PLPP3: variants seen among roughly 807,000 people sequenced by gnomAD.
PLPP3 encodes the protein PAP2 beta.
A neutral mutation model predicts 29.6 loss-of-function variants in PLPP3; 6 were observed. That is an observed-to-expected ratio of 0.20 (90% CI 0.11 to 0.40). PLPP3 has a LOEUF of 0.40. Ranked by LOEUF, PLPP3 falls within the 10% of genes least tolerant of loss-of-function variation. The pLI is 1.00. For missense variants in PLPP3, 308 were observed against 407.7 expected, an observed-to-expected ratio of 0.76 and a Z score of 2.11; for synonymous variants, 152 against 159.7, an observed-to-expected ratio of 0.95 and a Z score of 0.36.
chr1:56,541,661 A>G (rs868105185), intron 1 of PLPP3, among the ~76,000 whole-genome samples: 1 of 152,232 alleles, frequency 6.6e-6, no homozygotes, highest in Non-Finnish European at 1.5e-5. Context: ...GGAGCTGAAC[A>G]GGTTTCAAAT....
chr1:56,515,799 C>A (rs919935988), intron 4 of PLPP3, among the ~76,000 whole-genome samples: 4 of 152,130 alleles, frequency 2.6e-5, no homozygotes, highest in African/African-American at 9.7e-5. Flanking sequence ...GGTACAATAG[C>A]CCTGATTCCA....
At chr1:56,547,212 T>G (rs1425832558) in intron 1 of PLPP3, among the ~76,000 whole-genome samples, 29 of 152,202 alleles carry the variant, frequency 1.9e-4, no homozygotes, top group Admixed American at 1.9e-3. Flanking sequence ...CTAGCTAAGA[T>G]CCTCAGAAAA....
rs564933085 is a variant in PLPP3 at position 56,524,615 on chromosome 1, G to A, written c.298-61C>T. 40 of 1,532,208 alleles carry A rather than the reference G, an allele frequency of 2.6e-5. No individual in the cohort carries two copies. The East Asian group carries it at 4.6e-4, about 17-fold the overall frequency. The allele number at this position is 1,532,208 out of a possible 1,614,324, so 94.9% of individuals were successfully genotyped here. On this transcript the variant is annotated intron_variant, in intron 2 of 5. Coordinates refer to ENST00000371250, the MANE Select transcript of PLPP3 (RefSeq NM_003713.5). This position sits in a 1 kb window ranked among gnomAD's most constrained non-coding sequence, Gnocchi z 4.3. ...AAGATTCATCATCAACACTGATGCCGTAACGGATATTCAACAACACAGGAG... is the reference window on the plus strand; with the variant it reads ...AAGATTCATCATCAACACTGATGCCATAACGGATATTCAACAACACAGGAG...
intron 2 of PLPP3, among the ~76,000 whole-genome samples, chr1:56,530,769 G>C (rs1452059769): frequency 1.6e-5 from 2 of 126,886 alleles, no homozygotes; most frequent in African/African-American, 3.1e-5. Flanking sequence ...GGGTCTTCAC[G>C]ATCTTGCCAC....
At chr1:56,543,160 C>A (rs1645981599) in intron 1 of PLPP3, among the ~76,000 whole-genome samples, 1 of 152,166 alleles carries the variant, frequency 6.6e-6, no homozygotes, top group Non-Finnish European at 1.5e-5. Context: ...AAATGCAGAG[C>A]TAGCAATGGT....
At chr1:56,554,343 C>T (rs145320580) in intron 1 of PLPP3, among the ~76,000 whole-genome samples, 2,798 of 151,900 alleles carry the variant, frequency 0.018, 86 homozygotes, top group African/African-American at 0.064. Context: ...GAGGCCGAGG[C>T]GGGTGGATTA....
chr1:56,557,022 G>GAGAGAGAAAGAA, intron 1 of PLPP3, among the ~76,000 whole-genome samples: 2 of 13,062 alleles, frequency 1.5e-4, no homozygotes, highest in South Asian at 3.3e-3. Context: ...GAGAGAGAGA[G>GAGAGAGAAAGAA]AGAAAGAGAG....
At chr1:56,555,267 G>A (rs559194776) in intron 1 of PLPP3, among the ~76,000 whole-genome samples, 21 of 150,694 alleles carry the variant, frequency 1.4e-4, no homozygotes, top group Non-Finnish European at 2.5e-4. Context: ...TGACTTCCCC[G>A]GGGACTTTTA....
At chr1:56,575,226 A>G (rs1646227816) in intron 1 of PLPP3, among the ~76,000 whole-genome samples, 1 of 152,212 alleles carries the variant, frequency 6.6e-6, no homozygotes, top group Non-Finnish European at 1.5e-5. Flanking sequence ...AAACCGACTC[A>G]TCCACACAAT....
chr1:56,511,747 G>A (rs1335377571), intron 5 of PLPP3, among the ~76,000 whole-genome samples: 1 of 151,934 alleles, frequency 6.6e-6, no homozygotes, highest in East Asian at 2.0e-4. Flanking sequence ...TGTATTTACA[G>A]AGATTTACAG....
At chr1:56,525,501 TTA>T (rs1645847145) in intron 2 of PLPP3, among the ~76,000 whole-genome samples, 1 of 152,194 alleles carries the variant, frequency 6.6e-6, no homozygotes, top group Non-Finnish European at 1.5e-5. Context: ...TTTATATTCT[TTA>T]TGTCACGAAA....
At chr1:56,557,034 GAGAGAGAGAGAGAGAGAGAGAGAGAA>G (rs1646086571) in intron 1 of PLPP3, among the ~76,000 whole-genome samples, 1 of 25,928 alleles carries the variant, frequency 3.9e-5, no homozygotes, top group African/African-American at 1.0e-4. Flanking sequence ...GAAAGAGAGA[GAGAGAGAGAGAGAGAGAGAGAGAGAA>G]AGAAAGAAAG....
chr1:56,549,216 A>G (rs1446687718), intron 1 of PLPP3, among the ~76,000 whole-genome samples: 1 of 152,212 alleles, frequency 6.6e-6, no homozygotes, highest in Admixed American at 6.5e-5. Context: ...GAGGCGTTCT[A>G]TTCTGTGTGG....
chr1:56,554,308 G>C (rs555316876), intron 1 of PLPP3, among the ~76,000 whole-genome samples: 13 of 152,194 alleles, frequency 8.5e-5, no homozygotes, highest in Admixed American at 2.6e-4. Context: ...CGCGGTGGCT[G>C]ACGCCTGTAA....
Position 56,578,917 on chromosome 1 carries a change from C to A in PLPP3, c.100G>T (p.Val34Leu). The change falls in exon 1 of 6, where the codon GTG becomes TTG. Residue 34 changes from valine (V) to leucine (L), a missense_variant. Transcript: ENST00000371250. ...NNPRRSGSKR[V>L]LLICLDLFCL... is the part of the protein sequence containing the mutation. Reference sequence around the variant, plus strand: ...AAGAGGTCGAGGCAGATGAGCAGCACCCGCTTGCTGCCGCTCCTCCTCGGG... The same window carrying A: ...AAGAGGTCGAGGCAGATGAGCAGCAACCGCTTGCTGCCGCTCCTCCTCGGG... The A allele has an allele frequency of 6.2e-7, 1 of 1,603,944 alleles. No homozygotes were observed. The highest frequency in any genetic ancestry group is 2.3e-5 in the East Asian group (1 of 43,714).
chr1:56,523,800 C>T, intron 4 of PLPP3, 23 bp downstream of exon 4: 1 of 1,608,320 alleles, frequency 6.2e-7, no homozygotes, highest in Non-Finnish European at 8.5e-7. Context: ...GAGCACTGCT[C>T]AAATCAAAGG....
chr1:56,502,972 T>C (rs1199331790), intron 5 of PLPP3, among the ~76,000 whole-genome samples: 1 of 152,152 alleles, frequency 6.6e-6, no homozygotes, highest in Non-Finnish European at 1.5e-5. Flanking sequence ...AACAATCTCA[T>C]GGATTAAGGA....
rs74076324 is a variant in PLPP3 at position 56,496,822 on chromosome 1, T to C, written c.811-146A>G. On this transcript the variant is annotated intron_variant, in intron 5 of 5. Coordinates refer to ENST00000371250, the MANE Select transcript of PLPP3 (RefSeq NM_003713.5). ...GAATAGGGAAGGACAACAGAGATCA[T>C]ATCATCAAGGTTTATTGTACAGATA... 0.01 allele frequency: 8,249 copies of C among 793,346 alleles called. 520 individuals carry two copies. In the African/African-American group the frequency reaches 0.13, roughly 13 times the overall value. 49.1% of individuals were successfully genotyped at this position (793,346 alleles called of 1,614,324 possible).
At chr1:56,555,729 G>GA (rs1040578471) in intron 1 of PLPP3, among the ~76,000 whole-genome samples, 1 of 152,196 alleles carries the variant, frequency 6.6e-6, no homozygotes, top group South Asian at 2.1e-4. Flanking sequence ...GGCTGATCTT[G>GA]AACTCCTAAG....
Sources: allele counts gnomAD v4.1 joint callset (sites outside exome capture counted in the v4.1 genomes callset), GRCh38; gene constraint gnomAD v4.1.1; non-coding constraint Gnocchi (gnomAD v3.1); transcripts MANE v1.5; gene names NCBI Gene and HGNC (gene_info 2026-07-23, HGNC 2026-07-21).